FHL1: variants seen among roughly 807,000 people sequenced by gnomAD.
The protein encoded by FHL1 is four and a half LIM domains 1, also known as four and a half LIM domains protein 1.
In FHL1, 1 loss-of-function variant was observed where a neutral mutation model predicts 20.3. That is an observed-to-expected ratio of 0.05 (90% CI 0.02 to 0.23). The LOEUF (loss-of-function observed/expected upper bound fraction) is 0.23, where lower values mean the gene tolerates loss of function less well. FHL1 is among the 10% of genes least tolerant of loss of function. FHL1 has a pLI of 1.00. For missense variants in FHL1, 177 were observed against 234.0 expected (o/e 0.76, Z 1.59); for synonymous variants, 82 against 88.9 (o/e 0.92, Z 0.44).
chrX:136,194,690 A>G (rs973921785), upstream of FHL1, among the ~76,000 whole-genome samples: 1 of 112,125 alleles, frequency 8.9e-6, no homozygotes, highest in African/African-American at 3.2e-5. Flanking sequence ...ATATAACAAG[A>G]TTGACTAATA....
At chrX:136,175,553 GAA>G (rs1243277560) in intron 2 of FHL1, among the ~76,000 whole-genome samples, 3 of 106,224 alleles carry the variant, frequency 2.8e-5, no homozygotes, top group African/African-American at 9.8e-5. Context: ...AGGACAAAAA[GAA>G]AGAATTTAAA....
intron 1 of FHL1, among the ~76,000 whole-genome samples, chrX:136,149,249 G>C (rs1306959620): frequency 8.9e-6 from 1 of 111,926 alleles, no homozygotes; most frequent in Non-Finnish European, 1.9e-5. Flanking sequence ...TCCAAGAACC[G>C]GGCCCTCCCG....
chrX:136,207,844 C>G lies in FHL1; in HGVS notation c.432C>G (p.Thr144=), dbSNP rs1603271583. 1.7e-6 allele frequency: 2 copies of G among 1,211,984 alleles called. No individual in the cohort carries two copies. The highest frequency in any genetic ancestry group is 1.7e-5 in the African/African-American group (1 of 57,893). The stretch of plus-strand genomic sequence containing the variant: ...CCGTCTGGCACAAAGACTGCTTCAC[C>G]TGTAGTAACTGCAAGCAAGTCATCG... ...KGTVWHKDCF[T]CSNCKQVIGT... The change falls in exon 4 of 6, where the codon ACC becomes ACG. Residue 144 remains threonine, a synonymous_variant. Coordinates refer to ENST00000370683, the MANE Select transcript of FHL1 (RefSeq NM_001159699.2).
At chrX:136,178,533 G>A (rs2073064859) in intron 2 of FHL1, among the ~76,000 whole-genome samples, 1 of 110,866 alleles carries the variant, frequency 9.0e-6, no homozygotes, top group Non-Finnish European at 1.9e-5. Context: ...GAGGCAGAGG[G>A]TGCAGGGTGC....
intron 2 of FHL1, among the ~76,000 whole-genome samples, chrX:136,171,118 G>A (rs2072854925): frequency 9.0e-6 from 1 of 111,257 alleles, no homozygotes; most frequent in African/African-American, 3.3e-5. Context: ...AAGGCCCTCG[G>A]GCTTGAAGCA....
At chrX:136,201,695 G>A (rs1211745501) in intron 1 of FHL1, among the ~76,000 whole-genome samples, 1 of 110,666 alleles carries the variant, frequency 9.0e-6, no homozygotes, top group Non-Finnish European at 1.9e-5. Flanking sequence ...TCCTGGTTGG[G>A]TGGGGGGCCC....
In FHL1 at chrX:136,209,934, A is replaced by G; in HGVS notation, c.800A>G (p.His267Arg). Residue 267 changes from histidine (H) to arginine (R), a missense_variant, in exon 6 of 6, where the codon CAC becomes CGC. By Grantham distance (29) the His-to-Arg change is conservative. Coordinates refer to ENST00000370683, the MANE Select transcript of FHL1 (RefSeq NM_001159699.2). ...EGQSWHDYCF[H>R]CKKCSVNLAN... is the part of the protein sequence containing the mutation. ...CAATCCTGGCACGACTACTGCTTCC[A>G]CTGCAAAAAATGCTCCGTGAATCTG... 8.3e-7 allele frequency: 1 copy of G among 1,210,606 alleles called. No individual in the cohort carries two copies. Among genetic ancestry groups the G allele is most frequent in the Non-Finnish European group, 1.1e-6 (1 of 895,183 alleles).
intron 1 of FHL1, among the ~76,000 whole-genome samples, chrX:136,201,347 G>A (rs186774777): frequency 1.5e-3 from 170 of 111,950 alleles, no homozygotes; most frequent in African/African-American, 5.2e-3. Context: ...TGGGCTGTCC[G>A]CATGCCCAGT....
At chrX:136,204,209 T>TA (rs1015288876) in intron 1 of FHL1, among the ~76,000 whole-genome samples, 1 of 112,811 alleles carries the variant, frequency 8.9e-6, no homozygotes, top group Non-Finnish European at 1.9e-5. Context: ...CACTTGCCGT[T>TA]ACTGGAGATT....
Position 136,205,100 on chromosome X carries a change from G to A in FHL1, c.23-1307G>A, listed in dbSNP as rs148979280. Among the ~76,000 whole-genome samples, 28 of 112,263 alleles carry A rather than the reference G, an allele frequency of 2.5e-4. 1 individual carries two copies. The East Asian group carries it at 5.6e-3, about 22-fold the overall frequency. ...TGAAATAATTGCTATCTATTTACCCGTGCAAATTTCTTTTTCGGGGGAGAG... is the reference window on the plus strand; with the variant it reads ...TGAAATAATTGCTATCTATTTACCCATGCAAATTTCTTTTTCGGGGGAGAG... On this transcript the variant is annotated intron_variant, in intron 1 of 5. Coordinates refer to ENST00000370683, the MANE Select transcript of FHL1 (RefSeq NM_001159699.2).
chrX:136,187,831 T>C (rs2073346055), intron 2 of FHL1, among the ~76,000 whole-genome samples: 1 of 112,002 alleles, frequency 8.9e-6, no homozygotes, highest in African/African-American at 3.2e-5. Context: ...TTGTACACTT[T>C]ATAAAGGTGA....
At chrX:136,186,636 G>A (rs1433305796) in intron 2 of FHL1, among the ~76,000 whole-genome samples, 1 of 110,392 alleles carries the variant, frequency 9.1e-6, no homozygotes, top group Non-Finnish European at 1.9e-5. Flanking sequence ...ACCGAGGTGG[G>A]TGGGTCAGGA....
chrX:136,197,077 G>C lies in FHL1; in HGVS notation c.-36G>C. On this transcript the variant is annotated 5_prime_UTR_variant, in exon 1 of 6. Transcript: ENST00000370683. Reference sequence around the variant, plus strand: ...TATCAGCTGGGGTTGAGGGAAGACTGGTCTAGGTGCTGCTCCTGAACTTGG... The same window carrying C: ...TATCAGCTGGGGTTGAGGGAAGACTCGTCTAGGTGCTGCTCCTGAACTTGG... 8.3e-7 allele frequency: 1 copy of C among 1,202,215 alleles called. No homozygotes were observed. Among genetic ancestry groups the C allele is most frequent in the East Asian group, 3.0e-5 (1 of 33,724 alleles).
intron 1 of FHL1, among the ~76,000 whole-genome samples, chrX:136,158,410 C>T (rs1250724532): frequency 8.9e-6 from 1 of 111,839 alleles, no homozygotes; most frequent in East Asian, 2.8e-4. Context: ...GTTGCTATTA[C>T]TTCGGCATGC....
At chrX:136,187,768 T>A (rs761978695) in intron 2 of FHL1, among the ~76,000 whole-genome samples, 5 of 111,748 alleles carry the variant, frequency 4.5e-5, no homozygotes, top group African/African-American at 6.5e-5. Flanking sequence ...AAATGCAGAA[T>A]CAGATGGTGG....
rs1206971737 is a variant in FHL1 at position 136,180,800 on chromosome X, G to GAC, written c.-27+10820_-27+10821insAC. 7.7e-3 allele frequency among the ~76,000 whole-genome samples: 393 copies of GAC among 51,367 alleles called. 2 individuals carry two copies. Among genetic ancestry groups the GAC allele is most frequent in the African/African-American group, 0.018 (367 of 20,893 alleles). The allele number at this position is 51,367 out of a possible 115,157, so 44.6% of individuals were successfully genotyped here. On this transcript the variant is annotated intron_variant, in intron 2 of 6. Coordinates refer to the FHL1 transcript ENST00000394153. ...TCTCTCGCCCAGGCTGGAGTGCAAA[G>GAC]GCGTGATCTCGGCTCACTGCAACCT...
chrX:136,170,830 G>C (rs751272441), intron 2 of FHL1, among the ~76,000 whole-genome samples: 16 of 111,063 alleles, frequency 1.4e-4, no homozygotes, highest in Non-Finnish European at 3.0e-4. Flanking sequence ...AGGTTGCTGC[G>C]TTTTTGCCTT....
intron 2 of FHL1, among the ~76,000 whole-genome samples, chrX:136,180,200 A>T (rs1437736769): frequency 1.8e-5 from 2 of 112,128 alleles, no homozygotes; most frequent in Non-Finnish European, 3.8e-5. Context: ...GGACACATAC[A>T]TATCGCTGTC....
chrX:136,208,615 G>C lies in FHL1; in HGVS notation c.710G>C (p.Cys237Ser). Residue 237 changes from cysteine to serine, a missense_variant, in exon 5 of 6, where the codon TGT (cysteine) becomes TCT (serine). Transcript: ENST00000370683. ...DCYKNFVAKK[C>S]AGCKNPITGF... ...TACAAGAACTTTGTGGCCAAGAAGT[G>C]TGCTGGATGCAAGAACCCCATCACT... 1 of 1,211,413 alleles carries C rather than the reference G, an allele frequency of 8.3e-7. No individual in the cohort carries two copies. The highest frequency in any genetic ancestry group is 1.1e-6 in the Non-Finnish European group (1 of 895,384).
Sources: allele counts gnomAD v4.1 joint callset (sites outside exome capture counted in the v4.1 genomes callset), GRCh38; gene constraint gnomAD v4.1.1; transcripts MANE v1.5; gene names NCBI Gene and HGNC (gene_info 2026-07-23, HGNC 2026-07-21).